Variants in GML observed in about 807,000 individuals in gnomAD.
GML encodes the protein glycosylphosphatidylinositol anchored molecule like.
GML carries 5 observed loss-of-function variants against 8.2 expected under a neutral mutation model. That is an observed-to-expected ratio of 0.61 (90% CI 0.32 to 1.28). The LOEUF (loss-of-function observed/expected upper bound fraction) is 1.28, where lower values mean the gene tolerates loss of function less well. Among genes scored for constraint, GML ranks in the 50% most tolerant of loss-of-function variants. GML has a pLI of 0.06. For synonymous variants in GML, 72 were observed against 69.0 expected, an observed-to-expected ratio of 1.04 and a Z score of -0.22; for missense variants, 191 against 198.3, an observed-to-expected ratio of 0.96 and a Z score of 0.22.
chr8:142,840,362 C>A, intron 1 of GML, 54 bp from the exon 2 acceptor site: 2 of 1,136,566 alleles, frequency 1.8e-6, no homozygotes, highest in Non-Finnish European at 1.3e-6. Context: ...GGGCATAGAG[C>A]TGGCCAAGGA....
At position 142,843,189 on chromosome 8, in the gene GML, A is replaced by G. The variant is rs545874837; in HGVS notation, c.181+1964A>G. Among the ~76,000 whole-genome samples, 3 of 151,778 alleles carry G rather than the reference A, an allele frequency of 2.0e-5. No homozygotes were observed. The East Asian group carries it at 5.9e-4, about 30-fold the overall frequency. On this transcript the variant is annotated intron_variant, in intron 3 of 3. Transcript: ENST00000220940. Reference sequence around the variant, plus strand: ...CAAGGGGCCTGGGTATGAGGCATATAGGAACTCTGCACTATCTCTGCAACT... The same window carrying G: ...CAAGGGGCCTGGGTATGAGGCATATGGGAACTCTGCACTATCTCTGCAACT...
At chr8:142,839,883 G>C (rs892096003) in intron 1 of GML, among the ~76,000 whole-genome samples, 1 of 152,146 alleles carries the variant, frequency 6.6e-6, no homozygotes, top group Non-Finnish European at 1.5e-5. Context: ...ACTTGATTTT[G>C]GGAGGGGAGT....
intron 1 of GML, among the ~76,000 whole-genome samples, chr8:142,838,547 AC>A (rs953837111): frequency 2.6e-5 from 4 of 152,032 alleles, no homozygotes; most frequent in Non-Finnish European, 4.4e-5. Flanking sequence ...ACACGTTCTA[AC>A]TCCAGACTGA....
intron 1 of GML, among the ~76,000 whole-genome samples, chr8:142,839,939 A>T (rs1431086373): frequency 1.3e-5 from 2 of 152,118 alleles, no homozygotes; most frequent in African/African-American, 4.8e-5. Context: ...GGCTTCTGGC[A>T]TGTTCTGCCC....
intron 1 of GML, 33 bp from the exon 2 acceptor site, chr8:142,840,383 A>T: frequency 7.4e-7 from 1 of 1,350,230 alleles, no homozygotes; most frequent in Admixed American, 1.7e-5. Context: ...GCCATGGCTC[A>T]CTAACGTGTT....
intron 1 of GML, among the ~76,000 whole-genome samples, chr8:142,839,764 G>A (rs756552): frequency 0.32 from 48,237 of 151,992 alleles, 9,238 homozygotes; most frequent in Admixed American, 0.41. Flanking sequence ...GACCTGGGGG[G>A]CGTTTCTGAG....
chr8:142,837,130 CTAAAAA>C (rs35140636), intron 1 of GML, among the ~76,000 whole-genome samples: 2,166 of 152,078 alleles, frequency 0.014, 51 homozygotes, highest in African/African-American at 0.05. Context: ...CCCGTCTCTA[CTAAAAA>C]TACAAAAATT....
At position 142,839,727 on chromosome 8, in the gene GML, ATG is replaced by A. The variant is rs543704826; in HGVS notation, c.-22-687_-22-686del. On this transcript the variant is annotated intron_variant, in intron 1 of 3. Coordinates refer to ENST00000220940, the MANE Select transcript of GML (RefSeq NM_002066.3). Reference sequence around the variant, plus strand: ...GGTGCAGTTGGGTCCCTGCGAGAAAATGTCTCAGTTGTGGCAACTGATTGGTG... The same window carrying A: ...GGTGCAGTTGGGTCCCTGCGAGAAAATCTCAGTTGTGGCAACTGATTGGTG... Among the ~76,000 whole-genome samples, 14 of 152,256 alleles carry A rather than the reference ATG, an allele frequency of 9.2e-5. 1 individual carries two copies. The South Asian group carries it at 2.9e-3, about 32-fold the overall frequency.
chr8:142,845,044 AAC>A (rs1268685021), intron 3 of GML, among the ~76,000 whole-genome samples: 2 of 152,256 alleles, frequency 1.3e-5, no homozygotes, highest in African/African-American at 4.8e-5. Flanking sequence ...AATGTCCATC[AAC>A]AATAAATTGT....
rs1040279961 is a variant in GML, at chr8:142,846,262, C to G, written c.182-133C>G. The G allele has an allele frequency of 6.3e-6, 4 of 634,046 alleles. No individual in the cohort carries two copies. In the African/African-American group the frequency reaches 7.4e-5, roughly 12 times the overall value. The allele number at this position is 634,046 out of a possible 1,614,324, so 39.3% of individuals were successfully genotyped here. ...TTCTCTCTTAGTCAAGTGTTCTAGACAATTTTATCACAGCTGGGAGTGTAG... is the reference window on the plus strand; with the variant it reads ...TTCTCTCTTAGTCAAGTGTTCTAGAGAATTTTATCACAGCTGGGAGTGTAG... On this transcript the variant is annotated intron_variant, in intron 3 of 3. Coordinates refer to ENST00000220940, the MANE Select transcript of GML (RefSeq NM_002066.3).
At chr8:142,845,704 C>T (rs1484501187) in intron 3 of GML, among the ~76,000 whole-genome samples, 1 of 152,192 alleles carries the variant, frequency 6.6e-6, no homozygotes, top group Non-Finnish European at 1.5e-5. Flanking sequence ...GCTGAGGCCA[C>T]TGGACAAGCC....
chr8:142,846,768 C>A lies in GML; in HGVS notation c.*78C>A. On this transcript the variant is annotated 3_prime_UTR_variant, in exon 4 of 4. Coordinates refer to ENST00000220940, the MANE Select transcript of GML (RefSeq NM_002066.3). The stretch of plus-strand genomic sequence containing the variant: ...TGCTCTCCATTATTCCCTTCTAAGC[C>A]AGAGACCCTTATCCACTGCTCCTCT... The A allele has an allele frequency of 9.1e-7, 1 of 1,095,506 alleles. No individual in the cohort carries two copies. Among genetic ancestry groups the A allele is most frequent in the South Asian group, 1.5e-5 (1 of 67,428 alleles). 67.9% of individuals were successfully genotyped at this position (1,095,506 alleles called of 1,614,324 possible).
Position 142,846,691 on chromosome 8 carries a change from G to A in GML, c.*1G>A, listed in dbSNP as rs1354637134. On this transcript the variant is annotated 3_prime_UTR_variant, in exon 4 of 4. Transcript: ENST00000220940. ...CATAGTCAGCAATATATTGCCATGA[G>A]GACCCCACCTTGGAGGGTCTGACCA... 1 of 1,609,194 alleles carries A rather than the reference G, an allele frequency of 6.2e-7. No individual in the cohort carries two copies. The highest frequency in any genetic ancestry group is 2.2e-5 in the East Asian group (1 of 44,848).
At chr8:142,840,588 C>A in intron 2 of GML, 78 bp downstream of exon 2, 1 of 1,044,922 alleles carries the variant, frequency 9.6e-7, no homozygotes, top group Non-Finnish European at 1.5e-6. Flanking sequence ...GGATGATTGG[C>A]TGCAACGTGG....
At chr8:142,841,311 C>G (rs1036267913) in intron 3 of GML, 86 bp downstream of exon 3, 2 of 756,322 alleles carry the variant, frequency 2.6e-6, no homozygotes, top group Non-Finnish European at 4.8e-6. Flanking sequence ...CTGCTTTCTT[C>G]TCTGCACCCA....
chr8:142,844,468 C>T (rs915725718), intron 3 of GML, among the ~76,000 whole-genome samples: 1 of 152,188 alleles, frequency 6.6e-6, no homozygotes, highest in African/African-American at 2.4e-5. Flanking sequence ...TTACCTTTAA[C>T]TTCAAAACTT....
chr8:142,842,852 C>T (rs1465003874), intron 3 of GML, among the ~76,000 whole-genome samples: 1 of 152,216 alleles, frequency 6.6e-6, no homozygotes, highest in Non-Finnish European at 1.5e-5. Flanking sequence ...TGGGCTGTTC[C>T]AGCCTGCCCC....
intron 1 of GML, among the ~76,000 whole-genome samples, chr8:142,835,428 A>G (rs941477268): frequency 5.9e-5 from 9 of 152,144 alleles, no homozygotes; most frequent in African/African-American, 2.2e-4. Flanking sequence ...CTCGGGCCGC[A>G]GCCTGTTCCA....
At chr8:142,840,130 G>A (rs955695071) in intron 1 of GML, among the ~76,000 whole-genome samples, 3 of 152,216 alleles carry the variant, frequency 2.0e-5, no homozygotes, top group African/African-American at 7.2e-5. Context: ...ATTTCGGAGC[G>A]TGGGGACCCT....
Sources: gnomAD v4.1 joint callset for allele counts (sites outside exome capture counted in the v4.1 genomes callset) on GRCh38, gnomAD v4.1.1 for gene constraint, MANE v1.5 for transcripts, NCBI Gene and HGNC (gene_info 2026-07-23, HGNC 2026-07-21) for gene names.